Variants in PTPRQ observed in about 807,000 individuals in gnomAD.
PTPRQ encodes the protein protein tyrosine phosphatase receptor type Q, also known as phosphatidylinositol phosphatase PTPRQ.
PTPRQ carries 199 observed loss-of-function variants against 246.0 expected under a neutral mutation model. The observed-to-expected ratio is 0.81, with a 90% confidence interval of 0.72 to 0.91. The LOEUF is 0.91. PTPRQ is among the 40% of genes least tolerant of loss of function. PTPRQ has a pLI of 0.00. For synonymous variants in PTPRQ, 869 were observed against 853.2 expected (o/e 1.02, Z -0.32); for missense variants, 2,624 against 2,528.4 (o/e 1.04, Z -0.81).
intron 26 of PTPRQ, among the ~76,000 whole-genome samples, chr12:80,601,642 T>A (rs1245740987): frequency 6.6e-6 from 1 of 151,712 alleles, no homozygotes; most frequent in Non-Finnish European, 1.5e-5. Context: ...GAGCTGGAAG[T>A]CAAATTTTTC....
intron 32 of PTPRQ, among the ~76,000 whole-genome samples, chr12:80,621,475 GTCTCTGAGGA>G (rs1898986780): frequency 6.6e-6 from 1 of 151,760 alleles, no homozygotes; most frequent in Non-Finnish European, 1.5e-5. Context: ...AATTTCAATT[GTCTCTGAGGA>G]TCTTAGATTC....
rs1387450646 is a variant in PTPRQ, at chr12:80,555,702, T to C, written c.4285+5968T>C. Among the ~76,000 whole-genome samples, 3 of 152,196 alleles carry C rather than the reference T, an allele frequency of 2.0e-5. No homozygotes were observed. In the East Asian group the frequency reaches 5.8e-4, roughly 29 times the overall value. On this transcript the variant is annotated intron_variant, in intron 25 of 44. Transcript: ENST00000644991. Reference sequence around the variant, plus strand: ...AATCAGAGGGAAATAACTATTAGTATATCTAATTGAAATTCAGGTGTTTTA... The same window carrying C: ...AATCAGAGGGAAATAACTATTAGTACATCTAATTGAAATTCAGGTGTTTTA...
chr12:80,547,442 T>A (rs1175363263), intron 24 of PTPRQ, among the ~76,000 whole-genome samples: 1 of 152,138 alleles, frequency 6.6e-6, no homozygotes, highest in Non-Finnish European at 1.5e-5. Context: ...TCTTATCAGC[T>A]CTGGATGCAC....
intron 17 of PTPRQ, among the ~76,000 whole-genome samples, chr12:80,512,436 C>T (rs1895151279): frequency 6.6e-6 from 1 of 152,144 alleles, no homozygotes; most frequent in African/African-American, 2.4e-5. Context: ...CAATGGGAGC[C>T]TCCTATTCTA....
chr12:80,492,302 T>C (rs970061084), intron 9 of PTPRQ, among the ~76,000 whole-genome samples: 4 of 151,894 alleles, frequency 2.6e-5, no homozygotes, highest in Non-Finnish European at 5.9e-5. Context: ...ATGACCACAA[T>C]GAACAAAATT....
At chr12:80,513,183 T>C (rs1895175395) in intron 17 of PTPRQ, among the ~76,000 whole-genome samples, 1 of 152,066 alleles carries the variant, frequency 6.6e-6, no homozygotes, top group Non-Finnish European at 1.5e-5. Flanking sequence ...TGCCTTGGAG[T>C]ACCAGAACTG....
intron 25 of PTPRQ, among the ~76,000 whole-genome samples, chr12:80,558,631 C>A (rs987946770): frequency 6.6e-6 from 1 of 152,060 alleles, no homozygotes. Flanking sequence ...TTTCCTATGT[C>A]TAGGATATGC....
At chr12:80,663,747 C>G (rs903028880) in intron 39 of PTPRQ, among the ~76,000 whole-genome samples, 2 of 151,938 alleles carry the variant, frequency 1.3e-5, no homozygotes, top group Non-Finnish European at 2.9e-5. Context: ...GACCTCATCA[C>G]TTTCTGCCAT....
At chr12:80,484,927 A>T (rs2120612992) in intron 9 of PTPRQ, among the ~76,000 whole-genome samples, 1 of 152,330 alleles carries the variant, frequency 6.6e-6, no homozygotes, top group South Asian at 2.1e-4. Context: ...TTATGATTTA[A>T]GTGCTCCTTC....
intron 26 of PTPRQ, among the ~76,000 whole-genome samples, chr12:80,602,569 G>A (rs1898177949): frequency 1.3e-5 from 2 of 151,740 alleles, no homozygotes; most frequent in Non-Finnish European, 2.9e-5. Flanking sequence ...ACAGTGGAAA[G>A]CAGAAGAGCA....
At position 80,554,974 on chromosome 12, in the gene PTPRQ, C is replaced by T. The variant is rs146117428; in HGVS notation, c.4285+5240C>T. Among the ~76,000 whole-genome samples the T allele has an allele frequency of 4.1e-4, 62 of 152,120 alleles. 1 individual carries two copies. The East Asian group carries it at 8.3e-3, about 20-fold the overall frequency. On this transcript the variant is annotated intron_variant, in intron 25 of 44. Coordinates refer to ENST00000644991, the MANE Select transcript of PTPRQ (RefSeq NM_001145026.2). ...TCTTGCCCAGGCTGGAGTGAAGTGG[C>T]GCTATCTTGACTCACTGCAGCCTCC...
At chr12:80,550,287 T>G (rs1349427392) in intron 25 of PTPRQ, among the ~76,000 whole-genome samples, 6 of 152,168 alleles carry the variant, frequency 3.9e-5, no homozygotes, top group African/African-American at 1.4e-4. Flanking sequence ...TCATCCTATT[T>G]TCTTCCATAT....
chr12:80,658,026 C>G lies in PTPRQ; in HGVS notation c.6157C>G (p.Pro2053Ala). 2 of 1,440,872 alleles carry G rather than the reference C, an allele frequency of 1.4e-6. No individual in the cohort carries two copies. Among genetic ancestry groups the G allele is most frequent in the East Asian group, 2.8e-5 (1 of 36,256 alleles). 89.3% of individuals were successfully genotyped at this position (1,440,872 alleles called of 1,614,324 possible). Residue 2053 changes from proline (P) to alanine (A), a missense_variant, in exon 39 of 45, where the codon CCA becomes GCA. Pro to Ala is a conservative substitution (Grantham distance 27). Coordinates refer to ENST00000644991, the MANE Select transcript of PTPRQ (RefSeq NM_001145026.2). ...RVKLIADASV[P>A]GSDYINASYI... ...AAAGCTGATAGCTGACGCTAGTGTTCCAGGTTCGGATTATATTAATGCCAG... is the reference window on the plus strand; with the variant it reads ...AAAGCTGATAGCTGACGCTAGTGTTGCAGGTTCGGATTATATTAATGCCAG...
intron 1 of PTPRQ, 28 bp downstream of exon 1, chr12:80,444,427 A>G (rs1337223731): frequency 7.7e-7 from 1 of 1,290,812 alleles, no homozygotes; most frequent in Non-Finnish European, 1.1e-6. Context: ...TTTAAAAACA[A>G]GGGCTAAGTC....
At chr12:80,450,399 A>G (rs1892716881) in intron 3 of PTPRQ, among the ~76,000 whole-genome samples, 1 of 152,218 alleles carries the variant, frequency 6.6e-6, no homozygotes, top group African/African-American at 2.4e-5. Flanking sequence ...CCCTGGGCAG[A>G]ACTTCCAACA....
intron 19 of PTPRQ, among the ~76,000 whole-genome samples, 170 bp from the exon 20 acceptor site, chr12:80,539,606 A>G (rs889176593): frequency 1.3e-5 from 2 of 152,088 alleles, no homozygotes; most frequent in Non-Finnish European, 2.9e-5. Context: ...TAGTACAAAC[A>G]TATTTCCAGT....
chr12:80,650,028 T>C (rs780864935), intron 37 of PTPRQ, among the ~76,000 whole-genome samples: 3 of 152,168 alleles, frequency 2.0e-5, no homozygotes, highest in Non-Finnish European at 4.4e-5. Flanking sequence ...AGTGTAGTTT[T>C]ATATTTAAGT....
intron 34 of PTPRQ, among the ~76,000 whole-genome samples, chr12:80,633,632 T>C (rs1459886117): frequency 6.6e-6 from 1 of 152,222 alleles, no homozygotes. Context: ...TCATCTTGAC[T>C]CTCTTAAAGC....
At chr12:80,482,278 G>C (rs1479851002) in intron 8 of PTPRQ, among the ~76,000 whole-genome samples, 1 of 151,254 alleles carries the variant, frequency 6.6e-6, no homozygotes. Flanking sequence ...ATGGGGAAAG[G>C]ATTCCTTATT....
Sources: allele counts gnomAD v4.1 joint callset (sites outside exome capture counted in the v4.1 genomes callset), GRCh38; gene constraint gnomAD v4.1.1; transcripts MANE v1.5; gene names NCBI Gene and HGNC (gene_info 2026-07-23, HGNC 2026-07-21).